The following KRT79 variants were observed in gnomAD, a reference collection of about 807,000 sequenced individuals.
KRT79 encodes the protein keratin, type II cytoskeletal 79.
KRT79 carries 51 observed loss-of-function variants against 49.0 expected under a neutral mutation model. The ratio of observed to expected loss-of-function variants is 1.04; its 90% CI spans 0.83 to 1.31. KRT79 has a LOEUF of 1.31. KRT79 is among the 40% of genes most tolerant of loss of function. KRT79 has a pLI of 0.00. For synonymous variants in KRT79, 312 were observed against 286.6 expected, an observed-to-expected ratio of 1.09 and a Z score of -0.90; for missense variants, 728 against 688.0, an observed-to-expected ratio of 1.06 and a Z score of -0.65.
chr12:52,833,240 C>T (rs748366877), intron 1 of KRT79, among the ~76,000 whole-genome samples: 39 of 152,130 alleles, frequency 2.6e-4, no homozygotes, highest in African/African-American at 9.2e-4. Flanking sequence ...AAAGGAGAAG[C>T]GGAAGGGAGC....
chr12:52,825,144 G>A (rs560716090), intron 4 of KRT79, among the ~76,000 whole-genome samples: 1 of 152,268 alleles, frequency 6.6e-6, no homozygotes, highest in East Asian at 1.9e-4. Flanking sequence ...GCTCCCACGT[G>A]GGGCTCTGCC....
chr12:52,824,078 C>A, intron 5 of KRT79, 66 bp from the exon 6 acceptor site: 2 of 1,612,866 alleles, frequency 1.2e-6, no homozygotes, highest in Non-Finnish European at 1.7e-6. Flanking sequence ...GCTGGAGGCC[C>A]CATGCAAGTT....
chr12:52,828,265 T>C (rs1940203302), intron 4 of KRT79, among the ~76,000 whole-genome samples: 3 of 152,214 alleles, frequency 2.0e-5, no homozygotes, highest in African/African-American at 7.2e-5. Flanking sequence ...CAGAAAAATG[T>C]GATCCTGGTA....
Position 52,821,627 on chromosome 12 carries a change from C to CTAAA in KRT79, c.*244_*245insTTTA. ...CTCTCGGTGGTCAAAAGGTCACCCC[C>CTAAA]AAGTCACCCAAGCACATCACTCAAG... On this transcript the variant is annotated 3_prime_UTR_variant, in exon 9 of 9. Transcript: ENST00000330553. The CTAAA allele has an allele frequency of 6.1e-5, 20 of 328,198 alleles. No homozygotes were observed. Among genetic ancestry groups the CTAAA allele is most frequent in the South Asian group, 4.7e-4 (5 of 10,716 alleles). The allele number at this position is 328,198 out of a possible 1,614,324, so 20.3% of individuals were successfully genotyped here. A position where few individuals can be genotyped will look rare whatever the true frequency, so the allele number is the denominator to read the frequency against.
chr12:52,821,521 T>TGG lies in KRT79; in HGVS notation c.*349_*350dup, dbSNP rs1940086887. ...AGATTCAGGGAGAGGGTGGGTCTGG[T>TGG]GGGGGACTGGGGAGGTTGAAGGGTC... On this transcript the variant is annotated 3_prime_UTR_variant, in exon 9 of 9. Coordinates refer to ENST00000330553, the MANE Select transcript of KRT79 (RefSeq NM_175834.3). 1 of 282,660 alleles carries TGG rather than the reference T, an allele frequency of 3.5e-6. No individual in the cohort carries two copies. 17.5% of individuals were successfully genotyped at this position (282,660 alleles called of 1,614,324 possible).
At chr12:52,823,448 C>G (rs1019368084) in intron 6 of KRT79, among the ~76,000 whole-genome samples, 1 of 152,196 alleles carries the variant, frequency 6.6e-6, no homozygotes, top group Non-Finnish European at 1.5e-5. Flanking sequence ...TAACCTCAAC[C>G]CCTCCTGCTG....
In KRT79 at chr12:52,822,372, C is replaced by T; in HGVS notation, c.1375G>A (p.Gly459Arg). Residue 459 changes from glycine to arginine, a missense_variant, in exon 8 of 9, where the codon GGA (glycine) becomes AGA (arginine). Gly to Arg is a moderately radical substitution (Grantham distance 125). Transcript: ENST00000330553. Reference sequence around the variant, plus strand: ...ATGCTGACTGCACTGGGACATTCTCCAGACATCCTAGGGGACACAGAAAGG... The same window carrying T: ...ATGCTGACTGCACTGGGACATTCTCTAGACATCCTAGGGGACACAGAAAGG... ...LLESEESRMS[G>R]ECPSAVSISV... is the part of the protein sequence containing the mutation. 6.3e-7 allele frequency: 1 copy of T among 1,599,084 alleles called. No individual in the cohort carries two copies. The highest frequency in any genetic ancestry group is 8.5e-7 in the Non-Finnish European group (1 of 1,171,926).
intron 1 of KRT79, among the ~76,000 whole-genome samples, chr12:52,833,185 C>A (rs1168394143): frequency 1.3e-5 from 2 of 152,166 alleles, no homozygotes; most frequent in Non-Finnish European, 2.9e-5. Context: ...GACCACCCTC[C>A]TCATTGTCCA....
rs1940093251 is a variant in KRT79, at chr12:52,821,880, T to TG, written c.1599_1600insC (p.Arg534GlnfsTer78). 1 of 1,613,732 alleles carries TG rather than the reference T, an allele frequency of 6.2e-7. No individual in the cohort carries two copies. The highest frequency in any genetic ancestry group is 1.3e-5 in the African/African-American group (1 of 74,900). On this transcript the variant is annotated frameshift_variant, in exon 9 of 9. Transcript: ENST00000330553. LOFTEE classifies it high-confidence loss of function. ...CTTGCAGGGCTCAGCAGCTAATACC[T>TG]CTGGCTGGACGTCTTGACCGTAGTG...
intron 2 of KRT79, 129 bp from the exon 3 acceptor site, chr12:52,830,421 T>C (rs1940236186): frequency 1.4e-6 from 1 of 707,834 alleles, no homozygotes; most frequent in African/African-American, 1.8e-5. Context: ...AGCAGTTCTT[T>C]AATGTAGCCA....
At position 52,831,438 on chromosome 12, in the gene KRT79, G is replaced by A. The variant is rs565748878; in HGVS notation, c.666C>T (p.Asn222=). The A allele has an allele frequency of 3.5e-5, 57 of 1,614,056 alleles. 1 individual carries two copies. The highest frequency in any genetic ancestry group is 6.6e-5 in the South Asian group (6 of 91,080). ...TGAAGTCCTCCACAAGGTCCTGCAC[G>A]TTCCTGAGCTCTGAGTCCAGCCTCC... is the stretch of plus-strand genomic sequence containing the variant. The part of the protein sequence containing the change: ...ERGRLDSELR[N]VQDLVEDFKN... Residue 222 remains asparagine, a synonymous_variant, in exon 2 of 9, where the codon AAC becomes AAT. Transcript: ENST00000330553.
At chr12:52,828,394 C>T (rs1940205074) in intron 4 of KRT79, among the ~76,000 whole-genome samples, 1 of 152,146 alleles carries the variant, frequency 6.6e-6, no homozygotes, top group African/African-American at 2.4e-5. Flanking sequence ...TTGTTTTAGG[C>T]CCTGATTGCC....
intron 4 of KRT79, among the ~76,000 whole-genome samples, chr12:52,829,428 A>G (rs1282253195): frequency 1.3e-5 from 2 of 152,198 alleles, no homozygotes; most frequent in East Asian, 3.8e-4. Context: ...GAATTCTAGC[A>G]TGCTTCTTCC....
intron 1 of KRT79, 27 bp from the exon 2 acceptor site, chr12:52,831,653 G>T (rs761926542): frequency 4.4e-6 from 7 of 1,575,606 alleles, no homozygotes; most frequent in East Asian, 4.5e-5. Context: ...AGGGTGGGCT[G>T]ATGTCACCCT....
At chr12:52,831,746 C>T (rs752496025) in intron 1 of KRT79, 120 bp from the exon 2 acceptor site, 5 of 754,854 alleles carry the variant, frequency 6.6e-6, no homozygotes, top group Non-Finnish European at 1.1e-5. Context: ...TGCAGCCGCA[C>T]CTACACTTTG....
chr12:52,821,913 G>A lies in KRT79; in HGVS notation c.1567C>T (p.Arg523Trp), dbSNP rs143730092. The A allele has an allele frequency of 5.1e-5, 82 of 1,614,110 alleles. No homozygotes were observed. Among genetic ancestry groups the A allele is most frequent in the African/African-American group, 4.9e-4 (37 of 75,046 alleles). The change falls in exon 9 of 9, where the codon CGG (arginine) becomes TGG (tryptophan). Residue 523 changes from arginine to tryptophan, a missense_variant. By Grantham distance (101) the Arg-to-Trp change is moderately radical. Coordinates refer to ENST00000330553, the MANE Select transcript of KRT79 (RefSeq NM_175834.3). ...GPVSAGTSILRKTTTVKTSSQ... is the reference protein window; with the variant it reads ...GPVSAGTSILWKTTTVKTSSQ... ...GACGTCTTGACCGTAGTGGTCTTCC[G>A]CAGGATGGAGGTGCCCGCAGAGACT...
intron 4 of KRT79, among the ~76,000 whole-genome samples, chr12:52,828,262 A>G (rs529406155): frequency 1.3e-4 from 20 of 152,318 alleles, no homozygotes; most frequent in African/African-American, 4.1e-4. Context: ...AGACAGAAAA[A>G]TGTGATCCTG....
In KRT79 at chr12:52,821,916, G is replaced by A. The variant is rs1940094484; in HGVS notation, c.1564C>T (p.Leu522=). Residue 522 remains leucine (L), a synonymous_variant, in exon 9 of 9, where the codon CTG becomes TTG. Coordinates refer to ENST00000330553, the MANE Select transcript of KRT79 (RefSeq NM_175834.3). ...GTCTTGACCGTAGTGGTCTTCCGCA[G>A]GATGGAGGTGCCCGCAGAGACTGGC... ...GGPVSAGTSI[L]RKTTTVKTSS... The A allele has an allele frequency of 6.2e-7, 1 of 1,614,164 alleles. No individual in the cohort carries two copies. The highest frequency in any genetic ancestry group is 1.3e-5 in the African/African-American group (1 of 75,056).
intron 8 of KRT79, 54 bp downstream of exon 8, chr12:52,822,286 TGAGCA>T (rs769299436): frequency 1.3e-6 from 2 of 1,560,486 alleles, no homozygotes. Context: ...TTGCATAAAC[TGAGCA>T]GAGTTCTGGG....
Sources: allele counts gnomAD v4.1 joint callset (sites outside exome capture counted in the v4.1 genomes callset), GRCh38; gene constraint gnomAD v4.1.1; transcripts MANE v1.5; gene names NCBI Gene and HGNC (gene_info 2026-07-23, HGNC 2026-07-21).